The following IKZF2 variants were observed in gnomAD, a reference collection of about 807,000 sequenced individuals.
IKZF2 encodes zinc finger protein Helios.
In IKZF2, 15 loss-of-function variants were observed where a neutral mutation model predicts 49.2. The observed-to-expected ratio is 0.30, with a 90% confidence interval of 0.20 to 0.47. IKZF2 has a LOEUF of 0.47. IKZF2 is among the 20% of genes least tolerant of loss of function. The pLI is 1.00. For synonymous variants in IKZF2, 227 were observed against 221.4 expected (o/e 1.03, Z -0.23); for missense variants, 567 against 664.6 (o/e 0.85, Z 1.61).
At chr2:213,064,148 C>CAAAA in intron 4 of IKZF2, among the ~76,000 whole-genome samples, 1 of 151,938 alleles carries the variant, frequency 6.6e-6, no homozygotes, top group Non-Finnish European at 1.5e-5. Context: ...ACATTAATTT[C>CAAAA]TATACTCCTT....
intron 4 of IKZF2, among the ~76,000 whole-genome samples, chr2:213,061,197 C>A (rs1701645246): frequency 6.6e-6 from 1 of 151,392 alleles, no homozygotes; most frequent in Non-Finnish European, 1.5e-5. Flanking sequence ...CCTTCAGTAA[C>A]CATTCTAGGC....
At chr2:213,099,552 G>T (rs1379447396) in intron 4 of IKZF2, among the ~76,000 whole-genome samples, 2 of 152,098 alleles carry the variant, frequency 1.3e-5, no homozygotes, top group African/African-American at 4.8e-5. Flanking sequence ...GCATGCTTGA[G>T]CTTTCCTCTT....
intron 6 of IKZF2, among the ~76,000 whole-genome samples, chr2:213,026,867 C>G (rs1697874322): frequency 6.6e-6 from 1 of 152,024 alleles, no homozygotes; most frequent in Non-Finnish European, 1.5e-5. Flanking sequence ...CTCCCAGATT[C>G]TAGATTTATG....
At chr2:213,131,001 C>T (rs891716602) in intron 4 of IKZF2, among the ~76,000 whole-genome samples, 9 of 152,054 alleles carry the variant, frequency 5.9e-5, no homozygotes, top group African/African-American at 1.7e-4. Context: ...CAAACAAATG[C>T]TTGTAAAACT....
At chr2:213,106,952 T>A (rs1390576314) in intron 4 of IKZF2, among the ~76,000 whole-genome samples, 1 of 152,144 alleles carries the variant, frequency 6.6e-6, no homozygotes, top group Non-Finnish European at 1.5e-5. Flanking sequence ...ATGCCACCCA[T>A]CAAGAAAGCC....
chr2:213,096,767 T>C (rs1404146431), intron 4 of IKZF2, among the ~76,000 whole-genome samples: 1 of 152,012 alleles, frequency 6.6e-6, no homozygotes, highest in Admixed American at 6.6e-5. Flanking sequence ...AGTTCCCATA[T>C]ATAAAACTGC....
At chr2:213,053,004 C>G (rs1413261254) in intron 5 of IKZF2, among the ~76,000 whole-genome samples, 1 of 152,026 alleles carries the variant, frequency 6.6e-6, no homozygotes, top group Non-Finnish European at 1.5e-5. Context: ...TTTAAATGGA[C>G]TGCATCAATG....
At chr2:213,149,596 C>A (rs756537141) in intron 2 of IKZF2, among the ~76,000 whole-genome samples, 1 of 152,030 alleles carries the variant, frequency 6.6e-6, no homozygotes, top group Non-Finnish European at 1.5e-5. Flanking sequence ...TTTCAAAACT[C>A]TCACTGCACC....
intron 4 of IKZF2, among the ~76,000 whole-genome samples, chr2:213,131,526 C>G (rs2060473479): frequency 2.0e-5 from 3 of 152,178 alleles, no homozygotes; most frequent in Non-Finnish European, 4.4e-5. Flanking sequence ...TCAAGATTCT[C>G]TAGGTATCCC....
intron 4 of IKZF2, among the ~76,000 whole-genome samples, chr2:213,123,287 C>T (rs1353747779): frequency 6.6e-6 from 1 of 152,178 alleles, no homozygotes. Context: ...CTATAGCCTT[C>T]TTCACTTTAT....
At chr2:213,123,680 G>GGGTTT (rs900768199) in intron 4 of IKZF2, among the ~76,000 whole-genome samples, 4 of 152,082 alleles carry the variant, frequency 2.6e-5, no homozygotes, top group Non-Finnish European at 4.4e-5. Flanking sequence ...AATAAATTCA[G>GGGTTT]GGTTTGGTTT....
At chr2:213,075,199 T>C (rs944106662) in intron 4 of IKZF2, among the ~76,000 whole-genome samples, 1 of 152,150 alleles carries the variant, frequency 6.6e-6, no homozygotes, top group African/African-American at 2.4e-5. Context: ...TAACATTAAA[T>C]ATGAAATAGT....
chr2:213,042,169 T>G (rs937050759), intron 6 of IKZF2, among the ~76,000 whole-genome samples: 10 of 152,026 alleles, frequency 6.6e-5, no homozygotes, highest in African/African-American at 1.7e-4. Context: ...GTTACTTCAG[T>G]AGAGTTAAAG....
intron 4 of IKZF2, among the ~76,000 whole-genome samples, chr2:213,124,246 G>GCA (rs1255024104): frequency 7.8e-5 from 8 of 102,482 alleles, no homozygotes; most frequent in African/African-American, 1.5e-4. Context: ...GCGCTCGCGC[G>GCA]CGCGCGCACA....
chr2:213,064,992 GA>G (rs1702035994), intron 4 of IKZF2, among the ~76,000 whole-genome samples: 1 of 152,040 alleles, frequency 6.6e-6, no homozygotes. Flanking sequence ...TGGAATTTAA[GA>G]ATATCCAAAG....
At chr2:213,064,577 T>C (rs1337972728) in intron 4 of IKZF2, among the ~76,000 whole-genome samples, 1 of 152,136 alleles carries the variant, frequency 6.6e-6, no homozygotes, top group East Asian at 1.9e-4. Context: ...TTTCTATTTT[T>C]TGGCGGACAA....
chr2:213,145,337 T>C (rs918844263), intron 4 of IKZF2, among the ~76,000 whole-genome samples: 9 of 152,074 alleles, frequency 5.9e-5, no homozygotes, highest in East Asian at 1.9e-4. Context: ...AAATTGCAAT[T>C]CTGTTTTTGG....
At chr2:213,025,796 A>G (rs1319352363) in intron 6 of IKZF2, among the ~76,000 whole-genome samples, 1 of 152,088 alleles carries the variant, frequency 6.6e-6, no homozygotes, top group East Asian at 1.9e-4. Flanking sequence ...CACTGTTCTA[A>G]TACTCAAGAT....
At chr2:213,126,698 A>G (rs1255293659) in intron 4 of IKZF2, among the ~76,000 whole-genome samples, 2 of 152,196 alleles carry the variant, frequency 1.3e-5, no homozygotes. Context: ...GTCATATGGT[A>G]CAAGGGAACA....
Sources: allele counts gnomAD v4.1 joint callset (sites outside exome capture counted in the v4.1 genomes callset), GRCh38; gene constraint gnomAD v4.1.1; transcripts MANE v1.5; gene names NCBI Gene and HGNC (gene_info 2026-07-23, HGNC 2026-07-21).